CFH: variants seen among roughly 807,000 people sequenced by gnomAD.
The protein encoded by CFH is H factor 1 (complement).
Under a neutral mutation model 147.3 loss-of-function variants are expected in CFH, and 53 were observed. The ratio of observed to expected loss-of-function variants is 0.36; its 90% CI spans 0.29 to 0.45. The LOEUF (loss-of-function observed/expected upper bound fraction) is 0.45, where lower values mean the gene tolerates loss of function less well. Ranked by LOEUF, CFH falls within the 20% of genes least tolerant of loss-of-function variation. The pLI is 1.00. For missense variants in CFH, 1,380 were observed against 1,498.0 expected (o/e 0.92, Z 1.30); for synonymous variants, 536 against 489.4 (o/e 1.10, Z -1.26).
At position 196,673,219 on chromosome 1, in the gene CFH, G is replaced by A. The variant is rs34895813; in HGVS notation, c.244+56G>A. ...GAAAACTAGGTGTAAAAATACTTAA[G>A]ATTTAATATTGTAGCAATTATGCCT... On this transcript the variant is annotated intron_variant, in intron 2 of 21. Coordinates refer to ENST00000367429, the MANE Select transcript of CFH (RefSeq NM_000186.4). 5.1e-3 allele frequency: 7,262 copies of A among 1,424,368 alleles called. 86 individuals are homozygous for A. The highest frequency in any genetic ancestry group is 4.3e-3 in the Non-Finnish European group (4,379 of 1,009,884). 88.2% of individuals were successfully genotyped at this position (1,424,368 alleles called of 1,614,324 possible). A position where few individuals can be genotyped will look rare whatever the true frequency, so the allele number is the denominator to read the frequency against.
rs1205328020 is a variant in CFH, at chr1:196,714,668, TAGAGAGAGAGAGAGAGAG to T, written c.1519+785_1519+802del. Among the ~76,000 whole-genome samples the T allele has an allele frequency of 5.5e-3, 116 of 21,272 alleles. 2 individuals are homozygous for T. Among genetic ancestry groups the T allele is most frequent in the Admixed American group, 0.016 (20 of 1,268 alleles). 14.0% of individuals were successfully genotyped at this position (21,272 alleles called of 152,430 possible). A position where few individuals can be genotyped will look rare whatever the true frequency, so the allele number is the denominator to read the frequency against. ...ATATATATATATATATATATATATA[TAGAGAGAGAGAGAGAGAG>T]AGAGAGAGAGAGAGAGAGAGAGAGA... On this transcript the variant is annotated intron_variant, in intron 10 of 21. Coordinates refer to ENST00000367429, the MANE Select transcript of CFH (RefSeq NM_000186.4).
At chr1:196,711,566 A>AT (rs889707865) in intron 9 of CFH, among the ~76,000 whole-genome samples, 41 of 151,080 alleles carry the variant, frequency 2.7e-4, no homozygotes, top group Admixed American at 2.0e-3. Context: ...ACTTGTTTTA[A>AT]TTTTTTTTTA....
chr1:196,717,559 T>A (rs1156454492), intron 11 of CFH, among the ~76,000 whole-genome samples: 1 of 152,016 alleles, frequency 6.6e-6, no homozygotes, highest in Non-Finnish European at 1.5e-5. Flanking sequence ...CTACATAGAA[T>A]CTGCCAATAA....
In CFH at chr1:196,740,881, T is replaced by C. The variant is rs1652788019; in HGVS notation, c.2956+89T>C. ...CCAATAAGAAAGTAAACAGGGACTC[T>C]AGAAATTCATAAGGTTTTCTTGAAT... On this transcript the variant is annotated intron_variant, in intron 18 of 21. Transcript: ENST00000367429. The C allele has an allele frequency of 4.7e-6, 6 of 1,273,276 alleles. No individual in the cohort carries two copies. In the Admixed American group the frequency reaches 1.0e-4, roughly 22 times the overall value. 78.9% of individuals were successfully genotyped at this position (1,273,276 alleles called of 1,614,324 possible).
Position 196,653,807 on chromosome 1 carries a change from G to A in CFH, c.58+1632G>A, listed in dbSNP as rs527991693. Among the ~76,000 whole-genome samples the A allele has an allele frequency of 2.5e-4, 38 of 151,940 alleles. 2 individuals are homozygous for A. Among genetic ancestry groups the A allele is most frequent in the African/African-American group, 8.7e-4 (36 of 41,484 alleles). ...AGTTTCTACTGGTGAATTGAACATC[G>A]GCACTATATATGTTATGGTGAAAAT... On this transcript the variant is annotated intron_variant, in intron 1 of 21. Transcript: ENST00000367429.
chr1:196,695,686 C>A (rs1300270162), intron 9 of CFH, among the ~76,000 whole-genome samples: 2 of 152,010 alleles, frequency 1.3e-5, no homozygotes, highest in African/African-American at 4.8e-5. Context: ...TTTCCCTGAG[C>A]AGTGGTTTGT....
chr1:196,746,518 CAAAT>C (rs914012404), intron 21 of CFH, among the ~76,000 whole-genome samples: 1 of 152,106 alleles, frequency 6.6e-6, no homozygotes, highest in African/African-American at 2.4e-5. Context: ...ATTTAGTTGA[CAAAT>C]AAAAATATAT....
intron 1 of CFH, among the ~76,000 whole-genome samples, chr1:196,652,850 G>C (rs959297021): frequency 6.6e-6 from 1 of 151,608 alleles, no homozygotes; most frequent in Non-Finnish European, 1.5e-5. Context: ...GTTTTTTTCT[G>C]ACCTCAGTAA....
Position 196,746,138 on chromosome 1 carries a change from T to TA in CFH, c.3493+142dup, listed in dbSNP as rs1389188714. 1.2e-5 allele frequency: 18 copies of TA among 1,514,002 alleles called. 1 individual carries two copies. Among genetic ancestry groups the TA allele is most frequent in the Middle Eastern group, 1.7e-4 (1 of 5,920 alleles). The allele number at this position is 1,514,002 out of a possible 1,614,324, so 93.8% of individuals were successfully genotyped here. A position where few individuals can be genotyped will look rare whatever the true frequency, so the allele number is the denominator to read the frequency against. On this transcript the variant is annotated intron_variant, in intron 21 of 21. Transcript: ENST00000367429. ...CCTACCAAATATTTCTGTCAGAAAGTAAAGTTTAGAAATTTTTCTCTTTAG... is the reference window on the plus strand; with the variant it reads ...CCTACCAAATATTTCTGTCAGAAAGTAAAAGTTTAGAAATTTTTCTCTTTAG...
At chr1:196,701,215 C>A (rs1668438890) in intron 9 of CFH, 1 of 1,527,930 alleles carries the variant, frequency 6.5e-7, no homozygotes, top group Non-Finnish European at 9.1e-7. Context: ...TCAGGGAACT[C>A]TTCTTGTTTG....
At chr1:196,692,814 CTT>C (rs1281959043) in intron 9 of CFH, among the ~76,000 whole-genome samples, 8 of 53,358 alleles carry the variant, frequency 1.5e-4, no homozygotes, top group Non-Finnish European at 2.3e-4. Context: ...TTCTTTCTTT[CTT>C]TCTTTCTCTT....
intron 9 of CFH, 195 bp downstream of exon 9, chr1:196,690,434 A>G (rs1476065417): frequency 1.4e-6 from 1 of 734,688 alleles, no homozygotes; most frequent in Middle Eastern, 2.8e-4. Context: ...ATAGTAAAAT[A>G]AATTCTCCTA....
intron 15 of CFH, among the ~76,000 whole-genome samples, chr1:196,729,149 T>C (rs1669222768): frequency 6.6e-6 from 1 of 152,066 alleles, no homozygotes; most frequent in African/African-American, 2.4e-5. Context: ...CTAACTTCAA[T>C]ATTTTTACCA....
At chr1:196,743,889 G>C (rs1652907517) in intron 20 of CFH, among the ~76,000 whole-genome samples, 1 of 152,048 alleles carries the variant, frequency 6.6e-6, no homozygotes, top group Non-Finnish European at 1.5e-5. Context: ...TTCCTTCTCA[G>C]GAATACGTGT....
In CFH at chr1:196,692,774, C is replaced by CTT. The variant is rs1210306253; in HGVS notation, c.1336+2537_1336+2538dup. Among the ~76,000 whole-genome samples, 95 of 71,476 alleles carry CTT rather than the reference C, an allele frequency of 1.3e-3. 1 individual carries two copies. The highest frequency in any genetic ancestry group is 4.4e-3 in the African/African-American group (79 of 17,788). The allele number at this position is 71,476 out of a possible 152,430, so 46.9% of individuals were successfully genotyped here. On this transcript the variant is annotated intron_variant, in intron 9 of 21. Coordinates refer to ENST00000367429, the MANE Select transcript of CFH (RefSeq NM_000186.4). ...TCTTTCTTTCTTTCTTTCTTTCTTT[C>CTT]TTTCTTTCTTTCTTTCTTTCTTTCT...
At chr1:196,702,369 C>G (rs1190585969) in intron 9 of CFH, among the ~76,000 whole-genome samples, 1 of 152,120 alleles carries the variant, frequency 6.6e-6, no homozygotes, top group East Asian at 1.9e-4. Context: ...GCAGTTTCCC[C>G]ATAACAACTG....
chr1:196,733,366 T>C (rs971718830), intron 15 of CFH, among the ~76,000 whole-genome samples: 6 of 152,078 alleles, frequency 3.9e-5, no homozygotes, highest in African/African-American at 7.2e-5. Flanking sequence ...AGTTTTTACA[T>C]AGCATTTTAA....
At chr1:196,702,496 T>C (rs1330798961) in intron 9 of CFH, among the ~76,000 whole-genome samples, 3 of 146,658 alleles carry the variant, frequency 2.0e-5, no homozygotes, top group Non-Finnish European at 4.5e-5. Flanking sequence ...ATTGAGAAGA[T>C]CTAAAGTTTA....
chr1:196,692,876 C>CACCTACCTACCT (rs1425200451), intron 9 of CFH, among the ~76,000 whole-genome samples: 7,602 of 26,352 alleles, frequency 0.29, 1,071 homozygotes, highest in East Asian at 0.61. Context: ...CTCCCTCTGT[C>CACCTACCTACCT]ACCTCCCTCC....
Sources: gnomAD v4.1 joint callset for allele counts (sites outside exome capture counted in the v4.1 genomes callset) on GRCh38, gnomAD v4.1.1 for gene constraint, MANE v1.5 for transcripts, NCBI Gene and HGNC (gene_info 2026-07-23, HGNC 2026-07-21) for gene names.